KIF26A: variants seen among roughly 807,000 people sequenced by gnomAD.
The protein encoded by KIF26A is kinesin family member 26A.
A neutral mutation model predicts 126.0 loss-of-function variants in KIF26A; 74 were observed. That is an observed-to-expected ratio of 0.59 (90% CI 0.49 to 0.71). The LOEUF (loss-of-function observed/expected upper bound fraction) is 0.71. KIF26A is among the 30% of genes least tolerant of loss of function. KIF26A has a pLI of 0.00. For missense variants in KIF26A, 2,984 were observed against 2,763.3 expected (o/e 1.08, Z -1.79); for synonymous variants, 1,445 against 1,232.7 (o/e 1.17, Z -3.61).
chr14:104,178,843 G>T, intron 13 of KIF26A, 88 bp downstream of exon 13: 1 of 753,480 alleles, frequency 1.3e-6, no homozygotes. Flanking sequence ...GGCTCGCCAG[G>T]CCTCTGGGGG....
chr14:104,167,708 C>A (rs1191132088), intron 5 of KIF26A, among the ~76,000 whole-genome samples: 2 of 152,110 alleles, frequency 1.3e-5, no homozygotes, highest in African/African-American at 4.8e-5. Context: ...GGTTCGTGGG[C>A]CCATTGAGTC....
intron 12 of KIF26A, 74 bp from the exon 13 acceptor site, chr14:104,178,476 G>C (rs1235663818): frequency 2.6e-6 from 3 of 1,172,530 alleles, no homozygotes; most frequent in Non-Finnish European, 3.4e-6. Flanking sequence ...GGCCGGCTCC[G>C]CAGCGTCCCC....
intron 14 of KIF26A, 53 bp downstream of exon 14, chr14:104,179,439 C>G: frequency 6.9e-7 from 1 of 1,449,930 alleles, no homozygotes; most frequent in Non-Finnish European, 9.1e-7. Context: ...GCCCTGACAG[C>G]TGCCCTCCCC....
Position 104,176,809 on chromosome 14 carries a change from A to G in KIF26A, c.4021A>G (p.Thr1341Ala). The G allele has an allele frequency of 6.4e-7, 1 of 1,561,530 alleles. No individual in the cohort carries two copies. The highest frequency in any genetic ancestry group is 8.7e-7 in the Non-Finnish European group (1 of 1,154,220). ...ACSGSLKASPTSKKGLAPKAG... is the reference protein window; with the variant it reads ...ACSGSLKASPASKKGLAPKAG... ...CTCGGGGAGCCTGAAGGCCTCCCCC[A>G]CCAGCAAGAAGGGTCTGGCTCCCAA... The change falls in exon 12 of 15, where the codon ACC becomes GCC. Residue 1341 changes from threonine (T) to alanine (A), a missense_variant. Thr to Ala is a moderately conservative substitution (Grantham distance 58). Coordinates refer to ENST00000423312, the MANE Select transcript of KIF26A (RefSeq NM_015656.2).
intron 10 of KIF26A, 140 bp downstream of exon 10, chr14:104,174,008 C>T: frequency 7.2e-7 from 1 of 1,390,408 alleles, no homozygotes; most frequent in South Asian, 1.5e-5. Context: ...GCCTCGCTGC[C>T]CGTGGGCTGC....
At position 104,179,901 on chromosome 14, in the gene KIF26A, T is replaced by G; in HGVS notation, c.*111T>G. 4 of 1,112,960 alleles carry G rather than the reference T, an allele frequency of 3.6e-6. No homozygotes were observed. The highest frequency in any genetic ancestry group is 2.9e-5 in the Admixed American group (1 of 34,382). 68.9% of individuals were successfully genotyped at this position (1,112,960 alleles called of 1,614,324 possible). A position where few individuals can be genotyped will look rare whatever the true frequency, so the allele number is the denominator to read the frequency against. ...GGGGGAGGATGCGGAGGGGTTTCTG[T>G]GCAGGACGGGAGTCTCAGAGAGGAG... On this transcript the variant is annotated 3_prime_UTR_variant, in exon 15 of 15. Transcript: ENST00000423312.
Position 104,177,865 on chromosome 14 carries a change from C to G in KIF26A, c.5077C>G (p.Arg1693Gly). The G allele has an allele frequency of 6.4e-7, 1 of 1,554,906 alleles. No homozygotes were observed. Among genetic ancestry groups the G allele is most frequent in the Non-Finnish European group, 8.6e-7 (1 of 1,157,232 alleles). Residue 1693 changes from arginine (R) to glycine (G), a missense_variant, in exon 12 of 15, where the codon CGC (arginine) becomes GGC (glycine). By Grantham distance (125) the Arg-to-Gly change is moderately radical. Transcript: ENST00000423312. The stretch of plus-strand genomic sequence containing the variant: ...GGCTGCCTCCCCAGGCGCCCGCACC[C>G]GCAGCCTCAAGTCCCCCAAGAAGAG... ...SGAASPGART[R>G]SLKSPKKRAT...
At chr14:104,172,448 C>G (rs1465252444) in intron 6 of KIF26A, 127 bp from the exon 7 acceptor site, 2 of 639,854 alleles carry the variant, frequency 3.1e-6, no homozygotes, top group African/African-American at 3.6e-5. Context: ...TGTCCTTGGT[C>G]CCAGGTGTGC....
chr14:104,171,162 T>C (rs1482592072), intron 5 of KIF26A, among the ~76,000 whole-genome samples: 1 of 152,256 alleles, frequency 6.6e-6, no homozygotes, highest in Non-Finnish European at 1.5e-5. Flanking sequence ...TTCTGCTGAC[T>C]CTAGTCCGGC....
At chr14:104,144,545 T>C (rs2037664574) in intron 2 of KIF26A, among the ~76,000 whole-genome samples, 2 of 152,318 alleles carry the variant, frequency 1.3e-5, no homozygotes, top group African/African-American at 4.8e-5. Context: ...CTCCCTTAAG[T>C]ACCCTGGAAG....
chr14:104,176,066 G>T lies in KIF26A; in HGVS notation c.3278G>T (p.Gly1093Val). Residue 1093 changes from glycine (G) to valine (V), a missense_variant, in exon 12 of 15, where the codon GGG becomes GTG. Gly to Val is a moderately radical substitution (Grantham distance 109, BLOSUM62 -3). Coordinates refer to ENST00000423312, the MANE Select transcript of KIF26A (RefSeq NM_015656.2). The stretch of plus-strand genomic sequence containing the variant: ...GCCTACACCTCTCAGGCCCCTGAGG[G>T]GGGGCCCCTGGAGGGGGCAGCCTGG... ...FDAYTSQAPE[G>V]GPLEGAAWAG... 1.3e-6 allele frequency: 2 copies of T among 1,596,354 alleles called. No homozygotes were observed. The highest frequency in any genetic ancestry group is 1.7e-6 in the Non-Finnish European group (2 of 1,174,400).
At position 104,173,717 on chromosome 14, in the gene KIF26A, C is replaced by T. The variant is rs752612776; in HGVS notation, c.1879C>T (p.Arg627Cys). Residue 627 changes from arginine to cysteine, a missense_variant, in exon 10 of 15, where the codon CGC becomes TGC. By Grantham distance (180) the Arg-to-Cys change is radical (BLOSUM62 -3). Transcript: ENST00000423312. ...KCGRGGMSGG[R>C]SRLHLIDLGS... ...CCTTGTGGTTCCAGTGTCCGGAGGC[C>T]GCAGCCGCCTGCACCTCATCGACCT... The T allele has an allele frequency of 5.1e-5, 82 of 1,610,862 alleles. 1 individual carries two copies. Among genetic ancestry groups the T allele is most frequent in the African/African-American group, 1.2e-4 (9 of 74,876 alleles).
chr14:104,171,639 A>T (rs1017821037), intron 5 of KIF26A, 84 bp from the exon 6 acceptor site: 1 of 1,220,654 alleles, frequency 8.2e-7, no homozygotes, highest in East Asian at 2.6e-5. Flanking sequence ...CGCTGTCCCC[A>T]CCTGAGCTGG....
At chr14:104,178,938 C>T (rs2038068609) in intron 13 of KIF26A, among the ~76,000 whole-genome samples, 183 bp downstream of exon 13, 1 of 152,174 alleles carries the variant, frequency 6.6e-6, no homozygotes, top group Non-Finnish European at 1.5e-5. Flanking sequence ...CAGCCCAAGC[C>T]TGTTGCAGCT....
chr14:104,139,130 C>A lies in KIF26A; in HGVS notation c.130C>A (p.Pro44Thr). ...KRLPAGPDQDPCGSRPAPEGA... is the reference protein window; with the variant it reads ...KRLPAGPDQDTCGSRPAPEGA... Reference sequence around the variant, plus strand: ...GCTACCCGCCGGGCCCGACCAGGACCCATGCGGCAGCCGCCCTGCTCCCGA... The same window carrying A: ...GCTACCCGCCGGGCCCGACCAGGACACATGCGGCAGCCGCCCTGCTCCCGA... Residue 44 changes from proline (P) to threonine (T), a missense_variant, in exon 2 of 15, where the codon CCA (proline) becomes ACA (threonine). Coordinates refer to ENST00000423312, the MANE Select transcript of KIF26A (RefSeq NM_015656.2). 6.6e-7 allele frequency: 1 copy of A among 1,510,568 alleles called. No individual in the cohort carries two copies. The highest frequency in any genetic ancestry group is 2.2e-5 in the Admixed American group (1 of 45,964). The allele number at this position is 1,510,568 out of a possible 1,614,324, so 93.6% of individuals were successfully genotyped here.
Position 104,178,597 on chromosome 14 carries a change from G to T in KIF26A, c.5158G>T (p.Ala1720Ser). ...LIPAPLPDTT[A>S]LGRKPSLPGQ... ...TCCCGCCCCACTGCCCGACACCACTGCCCTGGGCCGTAAGCCCAGCCTCCC... is the reference window on the plus strand; with the variant it reads ...TCCCGCCCCACTGCCCGACACCACTTCCCTGGGCCGTAAGCCCAGCCTCCC... The change falls in exon 13 of 15, where the codon GCC becomes TCC. Residue 1720 changes from alanine to serine, a missense_variant. Physicochemically the swap from Ala to Ser is moderately conservative, Grantham distance 99 (BLOSUM62 1). Transcript: ENST00000423312. The T allele has an allele frequency of 1.3e-6, 2 of 1,544,812 alleles. No individual in the cohort carries two copies. Among genetic ancestry groups the T allele is most frequent in the South Asian group, 1.2e-5 (1 of 83,596 alleles).
intron 7 of KIF26A, 41 bp downstream of exon 7, chr14:104,172,709 A>G: frequency 7.0e-7 from 1 of 1,436,330 alleles, no homozygotes; most frequent in Non-Finnish European, 9.7e-7. Flanking sequence ...CCTGCTGGCC[A>G]CCCCCTCCCA....
chr14:104,174,221 G>A lies in KIF26A; in HGVS notation c.2104G>A (p.Val702Met), dbSNP rs776388991. Residue 702 changes from valine (V) to methionine (M), a missense_variant, in exon 11 of 15, where the codon GTG becomes ATG. By Grantham distance (21) the Val-to-Met change is conservative (BLOSUM62 1). Transcript: ENST00000423312. ...AGCRTTMIAHVSDAPAQHAET... is the reference protein window; with the variant it reads ...AGCRTTMIAHMSDAPAQHAET... ...CTGCCGCACCACCATGATCGCCCAC[G>A]TGTCGGATGCGCCAGCCCAGCACGC... The A allele has an allele frequency of 1.3e-6, 2 of 1,582,570 alleles. No homozygotes were observed. The highest frequency in any genetic ancestry group is 1.8e-5 in the Admixed American group (1 of 55,714).
chr14:104,163,416 C>G (rs1395546461), intron 4 of KIF26A, among the ~76,000 whole-genome samples: 1 of 152,168 alleles, frequency 6.6e-6, no homozygotes, highest in Non-Finnish European at 1.5e-5. Context: ...CATCCTGTCC[C>G]TGATCTGCTG....
Sources: allele counts gnomAD v4.1 joint callset (sites outside exome capture counted in the v4.1 genomes callset), GRCh38; gene constraint gnomAD v4.1.1; transcripts MANE v1.5; gene names NCBI Gene and HGNC (gene_info 2026-07-23, HGNC 2026-07-21).